ARSB: variants seen among roughly 807,000 people sequenced by gnomAD.
ARSB encodes the protein N-acetylgalactosamine-4-sulfatase.
ARSB carries 41 observed loss-of-function variants against 50.9 expected under a neutral mutation model. That is an observed-to-expected ratio of 0.81 (90% confidence interval 0.63 to 1.04). ARSB has a LOEUF of 1.04. Among genes scored for constraint, ARSB ranks in the 50% least tolerant of loss-of-function variants. The pLI, the probability that ARSB is intolerant of heterozygous loss-of-function variation, is 0.00. For missense variants in ARSB, 672 were observed against 693.3 expected (o/e 0.97, Z 0.35); for synonymous variants, 269 against 284.8 (o/e 0.94, Z 0.56).
At chr5:78,894,687 T>G (rs573324279) in intron 4 of ARSB, among the ~76,000 whole-genome samples, 1 of 152,222 alleles carries the variant, frequency 6.6e-6, no homozygotes, top group South Asian at 2.1e-4. Flanking sequence ...ATGAAGCAGT[T>G]TGTTTAAAGC....
At chr5:78,787,091 C>CATCTATCTATCTATCTATCTATCT (rs143701672) in intron 6 of ARSB, among the ~76,000 whole-genome samples, 19 of 128,054 alleles carry the variant, frequency 1.5e-4, no homozygotes, top group South Asian at 7.2e-4. Context: ...AATCGATAAC[C>CATCTATCTATCTATCTATCTATCT]ATCTATCTAT....
intron 6 of ARSB, among the ~76,000 whole-genome samples, chr5:78,804,602 A>ACT (rs1743502379): frequency 6.6e-6 from 1 of 152,234 alleles, no homozygotes. Context: ...TAAGACACTA[A>ACT]AACTAACAAC....
At chr5:78,855,485 G>A (rs1746092169) in intron 5 of ARSB, among the ~76,000 whole-genome samples, 1 of 152,226 alleles carries the variant, frequency 6.6e-6, no homozygotes, top group Non-Finnish European at 1.5e-5. Context: ...ACTTGGGGAT[G>A]TCAGGCCATT....
intron 4 of ARSB, among the ~76,000 whole-genome samples, chr5:78,892,147 A>C (rs1580009070): frequency 6.6e-6 from 1 of 152,026 alleles, no homozygotes; most frequent in East Asian, 1.9e-4. Flanking sequence ...TTTACTAAAC[A>C]TATATTAGAT....
intron 6 of ARSB, among the ~76,000 whole-genome samples, chr5:78,819,332 C>T (rs1353361847): frequency 6.6e-6 from 1 of 152,194 alleles, no homozygotes; most frequent in Non-Finnish European, 1.5e-5. Flanking sequence ...TCTGCCTTGG[C>T]AAAGACCAAG....
At chr5:78,904,654 G>A (rs978954101) in intron 4 of ARSB, among the ~76,000 whole-genome samples, 1 of 149,750 alleles carries the variant, frequency 6.7e-6, no homozygotes, top group Admixed American at 6.6e-5. Flanking sequence ...CTGTGTTTCA[G>A]GCTGTATAAT....
chr5:78,918,605 C>T (rs953507558), intron 4 of ARSB, among the ~76,000 whole-genome samples: 1 of 151,940 alleles, frequency 6.6e-6, no homozygotes, highest in African/African-American at 2.4e-5. Context: ...AACTTTCAAC[C>T]CAACATGGTA....
chr5:78,791,777 C>T (rs1168817829), intron 6 of ARSB, among the ~76,000 whole-genome samples: 2 of 152,200 alleles, frequency 1.3e-5, no homozygotes, highest in Non-Finnish European at 1.5e-5. Flanking sequence ...AAAATTAATT[C>T]CCTAAAATAC....
chr5:78,823,488 A>C (rs1417658101), intron 6 of ARSB, among the ~76,000 whole-genome samples: 1 of 152,188 alleles, frequency 6.6e-6, no homozygotes, highest in Non-Finnish European at 1.5e-5. Context: ...CCGCAAGATC[A>C]GAGGAAGTAC....
chr5:78,948,131 T>TGGAAAG (rs1320853027), intron 4 of ARSB, among the ~76,000 whole-genome samples: 1 of 151,994 alleles, frequency 6.6e-6, no homozygotes, highest in Non-Finnish European at 1.5e-5. Context: ...TACTAGAGGC[T>TGGAAAG]GGAAAGGGTA....
intron 4 of ARSB, among the ~76,000 whole-genome samples, chr5:78,945,266 G>A (rs1266836203): frequency 6.6e-6 from 1 of 152,148 alleles, no homozygotes; most frequent in Non-Finnish European, 1.5e-5. Context: ...CTCAGGCTCA[G>A]TGCACCACAC....
intron 6 of ARSB, among the ~76,000 whole-genome samples, chr5:78,828,359 T>C (rs986904082): frequency 1.3e-5 from 2 of 152,200 alleles, no homozygotes; most frequent in African/African-American, 2.4e-5. Flanking sequence ...TGTGACATAT[T>C]GTCCTTGTTT....
At chr5:78,790,551 C>A (rs982997633) in intron 6 of ARSB, among the ~76,000 whole-genome samples, 3 of 152,114 alleles carry the variant, frequency 2.0e-5, no homozygotes, top group Non-Finnish European at 4.4e-5. Context: ...ATTGTTAAGA[C>A]AATTGCCAAC....
chr5:78,852,490 T>C lies in ARSB; in HGVS notation c.1143-13064A>G, dbSNP rs372862097. 1.2e-4 allele frequency among the ~76,000 whole-genome samples: 18 copies of C among 152,324 alleles called. No individual in the cohort carries two copies. In the East Asian group the frequency reaches 1.5e-3, roughly 13 times the overall value. On this transcript the variant is annotated intron_variant, in intron 5 of 7. Transcript: ENST00000264914. ...CCTTTCTCTCTGGCTGCCCTTAACA[T>C]TTTTTCCTTCATTTCAACTTTGATG...
intron 5 of ARSB, among the ~76,000 whole-genome samples, chr5:78,879,610 A>G (rs1747649352): frequency 6.6e-6 from 1 of 152,210 alleles, no homozygotes; most frequent in African/African-American, 2.4e-5. Context: ...TCATCTCGAA[A>G]GTGGTATTTC....
chr5:78,918,512 T>G (rs1241176982), intron 4 of ARSB, among the ~76,000 whole-genome samples: 1 of 151,976 alleles, frequency 6.6e-6, no homozygotes, highest in Non-Finnish European at 1.5e-5. Context: ...GACATTAGTC[T>G]CATAAATTTT....
chr5:78,851,196 C>T (rs1481203873), intron 5 of ARSB, among the ~76,000 whole-genome samples: 4 of 152,046 alleles, frequency 2.6e-5, no homozygotes, highest in Non-Finnish European at 5.9e-5. Flanking sequence ...TGTGGGCATT[C>T]AGTGCTATAA....
At chr5:78,786,126 C>G (rs953326088) in intron 6 of ARSB, among the ~76,000 whole-genome samples, 1 of 152,060 alleles carries the variant, frequency 6.6e-6, no homozygotes, top group Non-Finnish European at 1.5e-5. Flanking sequence ...AGAAAGAAAC[C>G]CTGCACCATT....
intron 1 of ARSB, 68 bp from the exon 2 acceptor site, chr5:78,969,260 G>T: frequency 6.5e-7 from 1 of 1,535,338 alleles, no homozygotes; most frequent in Middle Eastern, 2.0e-4. Context: ...AGATAAAATG[G>T]CCTTCTACCT....
Sources: allele counts gnomAD v4.1 joint callset (sites outside exome capture counted in the v4.1 genomes callset), GRCh38; gene constraint gnomAD v4.1.1; transcripts MANE v1.5; gene names NCBI Gene and HGNC (gene_info 2026-07-23, HGNC 2026-07-21).